Variants in HTR2A observed in about 807,000 individuals in gnomAD.
The protein encoded by HTR2A is 5-HT2 receptor.
HTR2A carries 14 observed loss-of-function variants against 31.0 expected under a neutral mutation model. The observed-to-expected ratio is 0.45, with a 90% CI of 0.30 to 0.71. The LOEUF (loss-of-function observed/expected upper bound fraction) is 0.71, where lower values mean the gene tolerates loss of function less well. HTR2A is among the 30% of genes least tolerant of loss of function. The probability of loss-of-function intolerance (pLI) is 0.09; values close to 1 mark genes in which losing one functional copy is unlikely to be tolerated. For synonymous variants in HTR2A, 209 were observed against 225.2 expected (o/e 0.93, Z 0.64); for missense variants, 442 against 573.3 (o/e 0.77, Z 2.34).
At chr13:46,867,837 T>C (rs1017919514) in intron 3 of HTR2A, among the ~76,000 whole-genome samples, 5 of 152,224 alleles carry the variant, frequency 3.3e-5, no homozygotes, top group Admixed American at 3.3e-4. Context: ...TGCAGCAAGA[T>C]AATGTGTTAG....
At chr13:46,874,757 A>G (rs1246749502) in intron 3 of HTR2A, among the ~76,000 whole-genome samples, 1 of 152,260 alleles carries the variant, frequency 6.6e-6, no homozygotes, top group Non-Finnish European at 1.5e-5. Flanking sequence ...ACTGTTGAGG[A>G]CTGGTATAGG....
intron 3 of HTR2A, among the ~76,000 whole-genome samples, chr13:46,858,315 G>A (rs931440231): frequency 1.3e-5 from 2 of 152,090 alleles, no homozygotes; most frequent in Non-Finnish European, 2.9e-5. Context: ...CAGGGCAAGG[G>A]ATTCCAGGAA....
At chr13:46,883,694 G>A (rs956022085) in intron 3 of HTR2A, among the ~76,000 whole-genome samples, 3 of 152,136 alleles carry the variant, frequency 2.0e-5, no homozygotes, top group Non-Finnish European at 2.9e-5. Context: ...CATTTTATAC[G>A]TTGCGGTGAA....
At chr13:46,861,171 T>G (rs1045461469) in intron 3 of HTR2A, among the ~76,000 whole-genome samples, 4 of 152,176 alleles carry the variant, frequency 2.6e-5, no homozygotes, top group Admixed American at 6.5e-5. Flanking sequence ...AGCAGCTAGA[T>G]TCAGAGGGGA....
At chr13:46,853,584 C>G (rs772732068) in intron 3 of HTR2A, among the ~76,000 whole-genome samples, 7 of 152,134 alleles carry the variant, frequency 4.6e-5, no homozygotes, top group Non-Finnish European at 8.8e-5. Flanking sequence ...TAATGTGCTG[C>G]TAAGGTTGAG....
At chr13:46,853,879 C>T (rs1950710793) in intron 3 of HTR2A, 1 of 152,154 alleles carries the variant, frequency 6.6e-6, no homozygotes, top group Non-Finnish European at 1.5e-5. Context: ...TCTATTTTCC[C>T]AGAGGTTTTT....
intron 3 of HTR2A, among the ~76,000 whole-genome samples, chr13:46,865,554 C>G (rs1950812237): frequency 6.6e-6 from 1 of 152,228 alleles, no homozygotes; most frequent in African/African-American, 2.4e-5. Flanking sequence ...CTGGACTGTA[C>G]TTGGAGCAGC....
chr13:46,848,988 A>C (rs1050046224), intron 3 of HTR2A, among the ~76,000 whole-genome samples: 2 of 152,208 alleles, frequency 1.3e-5, no homozygotes, highest in African/African-American at 4.8e-5. Context: ...GCATTGTCAT[A>C]ATAAGTAATG....
chr13:46,840,960 C>A lies in HTR2A; in HGVS notation c.614-5321G>T, dbSNP rs546656947. The stretch of plus-strand genomic sequence containing the variant: ...TAATCCCCACATGTCGGGACAGGGA[C>A]CTGGTGGGAGGTGATTGGATCATGG... On this transcript the variant is annotated intron_variant, in intron 3 of 3. Coordinates refer to ENST00000542664, the MANE Select transcript of HTR2A (RefSeq NM_000621.5). 5.1e-4 allele frequency among the ~76,000 whole-genome samples: 77 copies of A among 152,238 alleles called. 1 individual carries two copies. In the South Asian group the frequency reaches 0.012, roughly 24 times the overall value.
In HTR2A at chr13:46,857,079, ATCATGAGG is replaced by A. The variant is rs1950743724; in HGVS notation, c.614-21448_614-21441del. 2.6e-5 allele frequency among the ~76,000 whole-genome samples: 4 copies of A among 152,186 alleles called. No individual in the cohort carries two copies. In the South Asian group the frequency reaches 8.3e-4, roughly 32 times the overall value. ...CACTTTGGGAGGCTGAGGTGGGTGGATCATGAGGTCAAGAGATAGAGACCATCCTGGCC... is the reference window on the plus strand; with the variant it reads ...CACTTTGGGAGGCTGAGGTGGGTGGATCAAGAGATAGAGACCATCCTGGCC... On this transcript the variant is annotated intron_variant, in intron 3 of 3. Transcript: ENST00000542664.
chr13:46,896,204 T>C lies in HTR2A; in HGVS notation c.-298A>G, dbSNP rs13306426. Reference sequence around the variant, plus strand: ...AACTTTTAGCATAGAGGTTGCAGGGTTTTTTTTGAGCGCTCGGGAAGATAA... The same window carrying C: ...AACTTTTAGCATAGAGGTTGCAGGGCTTTTTTTGAGCGCTCGGGAAGATAA... On this transcript the variant is annotated 5_prime_UTR_variant, in exon 2 of 4. Coordinates refer to ENST00000542664, the MANE Select transcript of HTR2A (RefSeq NM_000621.5). 52 of 1,141,352 alleles carry C rather than the reference T, an allele frequency of 4.6e-5. No individual in the cohort carries two copies. The East Asian group carries it at 2.4e-3, about 53-fold the overall frequency. The allele number at this position is 1,141,352 out of a possible 1,614,324, so 70.7% of individuals were successfully genotyped here.
At chr13:46,881,549 G>C (rs1258266993) in intron 3 of HTR2A, among the ~76,000 whole-genome samples, 2 of 152,204 alleles carry the variant, frequency 1.3e-5, no homozygotes, top group Non-Finnish European at 2.9e-5. Context: ...AAAGTGAAAA[G>C]ATAGAGAAAC....
At chr13:46,891,255 GT>G (rs1247973855) in intron 3 of HTR2A, among the ~76,000 whole-genome samples, 5 of 152,220 alleles carry the variant, frequency 3.3e-5, no homozygotes, top group African/African-American at 9.6e-5. Context: ...AGTGACACAA[GT>G]GTGATTTGTT....
chr13:46,891,426 A>C (rs1046815183), intron 3 of HTR2A, among the ~76,000 whole-genome samples: 1 of 152,240 alleles, frequency 6.6e-6, no homozygotes, highest in African/African-American at 2.4e-5. Flanking sequence ...AATAGTTCCC[A>C]TTGCTAGCAG....
intron 3 of HTR2A, among the ~76,000 whole-genome samples, chr13:46,859,681 C>A (rs1023032632): frequency 6.6e-6 from 1 of 152,166 alleles, no homozygotes; most frequent in African/African-American, 2.4e-5. Flanking sequence ...TCCCCTTCTG[C>A]CATGATTGAA....
chr13:46,835,268 A>G lies in HTR2A; in HGVS notation c.985T>C (p.Phe329Leu). 6.2e-7 allele frequency: 1 copy of G among 1,614,124 alleles called. No individual in the cohort carries two copies. Among genetic ancestry groups the G allele is most frequent in the Non-Finnish European group, 8.5e-7 (1 of 1,179,994 alleles). Residue 329 changes from phenylalanine (F) to leucine (L), a missense_variant, in exon 4 of 4, where the codon TTC becomes CTC. Physicochemically the swap from Phe to Leu is conservative, Grantham distance 22 (BLOSUM62 0). This residue lies in a region of HTR2A where 174 missense variants were observed against 195.1 expected (regional missense o/e 0.89). Transcript: ENST00000542664. ...CACCACATCACCACAAACAGGAAGA[A>G]GACGATGCCCAGCACCTTGCATGCC... The part of the protein sequence containing the change: ...QKACKVLGIV[F>L]FLFVVMWCPF...
intron 3 of HTR2A, among the ~76,000 whole-genome samples, chr13:46,845,226 T>A (rs1950631869): frequency 6.6e-6 from 1 of 152,144 alleles, no homozygotes; most frequent in Non-Finnish European, 1.5e-5. Context: ...GATAAATTCC[T>A]ATGTGATGTC....
At chr13:46,872,828 C>T (rs17360184) in intron 3 of HTR2A, among the ~76,000 whole-genome samples, 2 of 152,102 alleles carry the variant, frequency 1.3e-5, no homozygotes, top group African/African-American at 4.8e-5. Context: ...TTTTGGACTT[C>T]CCATTAGTTC....
At chr13:46,842,868 T>C (rs1950609414) in intron 3 of HTR2A, among the ~76,000 whole-genome samples, 1 of 152,166 alleles carries the variant, frequency 6.6e-6, no homozygotes, top group Non-Finnish European at 1.5e-5. Flanking sequence ...TATACAGTAG[T>C]CCTCCCTTAA....
Sources: allele counts gnomAD v4.1 joint callset (sites outside exome capture counted in the v4.1 genomes callset), GRCh38; gene constraint gnomAD v4.1.1; regional missense constraint gnomAD v4.1.1; transcripts MANE v1.5; gene names NCBI Gene and HGNC (gene_info 2026-07-23, HGNC 2026-07-21).